The following ZFAND3 variants were observed in gnomAD, a reference collection of about 807,000 sequenced individuals.
ZFAND3 encodes the protein zinc finger AN1-type containing 3, also known as AN1-type zinc finger protein 3.
ZFAND3 carries 10 observed loss-of-function variants against 29.6 expected under a neutral mutation model. The observed-to-expected ratio is 0.34, with a 90% CI of 0.21 to 0.57. The LOEUF is 0.57. ZFAND3 is among the 20% of genes least tolerant of loss of function. ZFAND3 has a pLI of 0.86. For missense variants in ZFAND3, 230 were observed against 304.5 expected (o/e 0.76, Z 1.82); for synonymous variants, 128 against 112.6 (o/e 1.14, Z -0.87).
At chr6:38,018,916 G>T (rs1180787836) in intron 2 of ZFAND3, among the ~76,000 whole-genome samples, 1 of 152,064 alleles carries the variant, frequency 6.6e-6, no homozygotes, top group African/African-American at 2.4e-5. Flanking sequence ...GTGTTTGAGA[G>T]TCCATTCTCC....
In ZFAND3 at chr6:38,152,673, G is replaced by A. The variant is rs1001818551; in HGVS notation, c.*284G>A. 9 of 1,122,962 alleles carry A rather than the reference G, an allele frequency of 8.0e-6. No individual in the cohort carries two copies. The Admixed American group carries it at 2.4e-4, about 30-fold the overall frequency. 69.6% of individuals were successfully genotyped at this position (1,122,962 alleles called of 1,614,324 possible). A position where few individuals can be genotyped will look rare whatever the true frequency, so the allele number is the denominator to read the frequency against. The stretch of plus-strand genomic sequence containing the variant: ...AGTGGATTTAAAACAACACATACCT[G>A]TCACTGCTGGAGTCAAACTTATAAA... On this transcript the variant is annotated 3_prime_UTR_variant, in exon 6 of 6. Transcript: ENST00000287218.
chr6:38,153,729 G>T lies in ZFAND3; in HGVS notation c.*1340G>T. 1 of 985,508 alleles carries T rather than the reference G, an allele frequency of 1.0e-6. No individual in the cohort carries two copies. The highest frequency in any genetic ancestry group is 1.7e-5 in the African/African-American group (1 of 57,332). 61.0% of individuals were successfully genotyped at this position (985,508 alleles called of 1,614,324 possible). On this transcript the variant is annotated 3_prime_UTR_variant, in exon 6 of 6. Coordinates refer to ENST00000287218, the MANE Select transcript of ZFAND3 (RefSeq NM_021943.3). ...AGGAAATCACTACCAGTCAGGTGGGGCTGGGGCTGGGTGGACAGGATCAGG... is the reference window on the plus strand; with the variant it reads ...AGGAAATCACTACCAGTCAGGTGGGTCTGGGGCTGGGTGGACAGGATCAGG...
At chr6:37,896,570 C>CTTTCTTTCTTTCTT (rs1554153801) in intron 1 of ZFAND3, among the ~76,000 whole-genome samples, 56 of 124,594 alleles carry the variant, frequency 4.5e-4, no homozygotes, top group Admixed American at 1.9e-3. Context: ...TTCTTTCTTT[C>CTTTCTTTCTTTCTT]TCTCTTTCTC....
At chr6:38,072,432 C>T (rs921935512) in intron 3 of ZFAND3, among the ~76,000 whole-genome samples, 2 of 152,112 alleles carry the variant, frequency 1.3e-5, no homozygotes, top group East Asian at 3.8e-4. Flanking sequence ...ATCACTGTCC[C>T]CCCTGCCCCC....
chr6:37,863,840 C>T (rs1490416636), intron 1 of ZFAND3, among the ~76,000 whole-genome samples: 9 of 152,070 alleles, frequency 5.9e-5, no homozygotes, highest in Admixed American at 2.6e-4. Context: ...TGATGGCATA[C>T]GCTAAGCTCC....
intron 1 of ZFAND3, among the ~76,000 whole-genome samples, chr6:37,865,401 G>A (rs571207884): frequency 6.6e-6 from 1 of 152,218 alleles, no homozygotes; most frequent in East Asian, 1.9e-4. Context: ...TCTACAGTTG[G>A]TTGAATCCAT....
chr6:38,035,263 CTATTA>C (rs1164851791), intron 2 of ZFAND3, among the ~76,000 whole-genome samples: 1 of 152,040 alleles, frequency 6.6e-6, no homozygotes, highest in Non-Finnish European at 1.5e-5. Flanking sequence ...CCCGAATCTT[CTATTA>C]TGTTTCTTTA....
At chr6:37,867,552 G>T (rs1318629697) in intron 1 of ZFAND3, among the ~76,000 whole-genome samples, 3 of 152,090 alleles carry the variant, frequency 2.0e-5, no homozygotes, top group Non-Finnish European at 4.4e-5. Flanking sequence ...GGGATTTGAG[G>T]TTGTTGTATG....
chr6:37,870,600 G>GGA (rs781070783), intron 1 of ZFAND3, among the ~76,000 whole-genome samples: 10 of 112,110 alleles, frequency 8.9e-5, no homozygotes, highest in African/African-American at 1.7e-4. Context: ...CTCTGTCTCA[G>GGA]AAAAAAAAAA....
At chr6:37,932,150 T>A (rs1196546943) in intron 2 of ZFAND3, among the ~76,000 whole-genome samples, 1 of 151,716 alleles carries the variant, frequency 6.6e-6, no homozygotes, top group Non-Finnish European at 1.5e-5. Flanking sequence ...GTGCCTGTAA[T>A]CCCAGCTACT....
At chr6:38,081,055 A>G (rs1764651255) in intron 3 of ZFAND3, among the ~76,000 whole-genome samples, 1 of 152,090 alleles carries the variant, frequency 6.6e-6, no homozygotes, top group Admixed American at 6.6e-5. Context: ...CTCATTACAT[A>G]TAGCCTTTAT....
intron 1 of ZFAND3, among the ~76,000 whole-genome samples, chr6:37,905,621 T>A (rs1270525883): frequency 6.6e-6 from 1 of 152,162 alleles, no homozygotes; most frequent in Non-Finnish European, 1.5e-5. Context: ...AGGTGTTTTT[T>A]AAAATGTGGC....
chr6:38,113,560 A>AG (rs1478040351), intron 4 of ZFAND3, among the ~76,000 whole-genome samples: 3 of 152,208 alleles, frequency 2.0e-5, no homozygotes, highest in African/African-American at 7.2e-5. Context: ...AGAGAAAAAG[A>AG]GGTCAAGACT....
chr6:38,047,978 T>TG lies in ZFAND3; in HGVS notation c.113-13615_113-13614insG, dbSNP rs1358670824. ...TAGGTTTTTGGGTTTTTTTTGTTTT[T>TG]TTTTTTTTTACTTTTTGTGTGTGTT... On this transcript the variant is annotated intron_variant, in intron 2 of 5. Coordinates refer to ENST00000287218, the MANE Select transcript of ZFAND3 (RefSeq NM_021943.3). Among the ~76,000 whole-genome samples, 275 of 151,602 alleles carry TG rather than the reference T, an allele frequency of 1.8e-3. 2 individuals carry two copies. The highest frequency in any genetic ancestry group is 6.4e-3 in the African/African-American group (264 of 41,414).
At chr6:38,121,953 G>C (rs1261453661) in intron 5 of ZFAND3, among the ~76,000 whole-genome samples, 1 of 152,192 alleles carries the variant, frequency 6.6e-6, no homozygotes, top group Non-Finnish European at 1.5e-5. Context: ...GCCTAAGCCA[G>C]TCTCTGCTAG....
intron 2 of ZFAND3, chr6:38,003,688 TAG>T: frequency 1.6e-5 from 5 of 321,460 alleles, no homozygotes; most frequent in Admixed American, 4.0e-5. Context: ...TTTTTTTTTG[TAG>T]AGACGGGGTT....
intron 2 of ZFAND3, among the ~76,000 whole-genome samples, chr6:38,017,536 G>A (rs1763272486): frequency 6.6e-6 from 1 of 152,132 alleles, no homozygotes; most frequent in Non-Finnish European, 1.5e-5. Flanking sequence ...CACTTTAGCA[G>A]AGCTTGTCTT....
Position 38,061,772 on chromosome 6 carries a change from G to T in ZFAND3, c.292G>T (p.Glu98Ter). ...GAATGTAACTTCACCGAGTAAAGAGGAGTGTAAGTGTCTGGCTTCTGAGGG... is the reference window on the plus strand; with the variant it reads ...GAATGTAACTTCACCGAGTAAAGAGTAGTGTAAGTGTCTGGCTTCTGAGGG... ...ELNVTSPSKEECGPCTDTAHV... is the reference protein window; with the variant it reads ...ELNVTSPSKE The change falls in exon 3 of 6, where the codon GAG becomes TAG. Residue 98 changes from glutamate (E) to a stop codon, truncating the protein, a stop_gained. Coordinates refer to ENST00000287218, the MANE Select transcript of ZFAND3 (RefSeq NM_021943.3). LOFTEE classifies it high-confidence loss of function. 2 of 1,614,048 alleles carry T rather than the reference G, an allele frequency of 1.2e-6. No individual in the cohort carries two copies. The highest frequency in any genetic ancestry group is 2.2e-5 in the South Asian group (2 of 91,072).
chr6:37,938,839 G>T (rs1329434078), intron 2 of ZFAND3, among the ~76,000 whole-genome samples: 1 of 152,222 alleles, frequency 6.6e-6, no homozygotes, highest in Non-Finnish European at 1.5e-5. Flanking sequence ...GCTCAGTGCT[G>T]TGAAATAGCT....
Sources: allele counts gnomAD v4.1 joint callset (sites outside exome capture counted in the v4.1 genomes callset), GRCh38; gene constraint gnomAD v4.1.1; transcripts MANE v1.5; gene names NCBI Gene and HGNC (gene_info 2026-07-23, HGNC 2026-07-21).